The following THSD7A variants were observed in gnomAD, a reference collection of about 807,000 sequenced individuals.
THSD7A encodes the protein thrombospondin type 1 domain containing 7A, also known as thrombospondin type-1 domain-containing protein 7A.
THSD7A carries 96 observed loss-of-function variants against 231.3 expected under a neutral mutation model. That is an observed-to-expected ratio of 0.41 (90% CI 0.35 to 0.49). The LOEUF is 0.49. Among genes scored for constraint, THSD7A ranks in the 20% least tolerant of loss-of-function variants. The probability of loss-of-function intolerance (pLI) is 0.05; values close to 1 mark genes in which losing one functional copy is unlikely to be tolerated. For synonymous variants in THSD7A, 940 were observed against 743.3 expected (o/e 1.26, Z -4.30); for missense variants, 2,290 against 2,070.2 (o/e 1.11, Z -2.06).
At chr7:11,695,088 CATA>C (rs1487813021) in intron 1 of THSD7A, among the ~76,000 whole-genome samples, 11 of 151,466 alleles carry the variant, frequency 7.3e-5, no homozygotes, top group African/African-American at 2.4e-4. Flanking sequence ...GTAAATTTCT[CATA>C]ATCTCATAGG....
intron 1 of THSD7A, among the ~76,000 whole-genome samples, chr7:11,698,993 T>C (rs1314254025): frequency 2.0e-5 from 3 of 148,316 alleles, no homozygotes; most frequent in African/African-American, 7.4e-5. Context: ...TTTTTTTGCA[T>C]TCACAATGCC....
At chr7:11,496,089 T>C (rs1389385485) in intron 6 of THSD7A, among the ~76,000 whole-genome samples, 2 of 152,158 alleles carry the variant, frequency 1.3e-5, no homozygotes, top group East Asian at 1.9e-4. Context: ...TGAATTCTAA[T>C]CTGAAAGTCA....
chr7:11,746,144 A>G (rs1268664396), intron 1 of THSD7A, among the ~76,000 whole-genome samples: 1 of 151,770 alleles, frequency 6.6e-6, no homozygotes, highest in Non-Finnish European at 1.5e-5. Context: ...TGAAGACTAT[A>G]TTCTCTTGGA....
chr7:11,488,871 T>G (rs939432081), intron 6 of THSD7A, among the ~76,000 whole-genome samples: 2 of 152,140 alleles, frequency 1.3e-5, no homozygotes, highest in Non-Finnish European at 1.5e-5. Context: ...TTCACTCCTC[T>G]GCCATTTTGC....
intron 6 of THSD7A, among the ~76,000 whole-genome samples, chr7:11,513,978 C>T (rs1381918265): frequency 6.6e-6 from 1 of 151,830 alleles, no homozygotes; most frequent in Non-Finnish European, 1.5e-5. Context: ...CCCTCTTGGC[C>T]CCAGACATCC....
At chr7:11,403,138 A>C (rs1783465775) in intron 22 of THSD7A, among the ~76,000 whole-genome samples, 1 of 152,202 alleles carries the variant, frequency 6.6e-6, no homozygotes, top group South Asian at 2.1e-4. Flanking sequence ...GATAGACACA[A>C]ATTCACAAGG....
At chr7:11,760,071 A>G (rs1782805925) in intron 1 of THSD7A, among the ~76,000 whole-genome samples, 1 of 152,174 alleles carries the variant, frequency 6.6e-6, no homozygotes, top group South Asian at 2.1e-4. Flanking sequence ...AAAGCATCTC[A>G]AGGTACTTAT....
chr7:11,402,150 T>C (rs1269006540), intron 22 of THSD7A, among the ~76,000 whole-genome samples, 182 bp from the exon 23 acceptor site: 3 of 152,238 alleles, frequency 2.0e-5, no homozygotes, highest in African/African-American at 7.2e-5. Context: ...GTATATGTAT[T>C]GTTATTTTCC....
chr7:11,823,970 T>A (rs1784950763), intron 1 of THSD7A, among the ~76,000 whole-genome samples: 1 of 151,658 alleles, frequency 6.6e-6, no homozygotes, highest in African/African-American at 2.4e-5. Flanking sequence ...TTAAAAATAA[T>A]TCAAATGATC....
chr7:11,716,633 T>A (rs990163710), intron 1 of THSD7A, among the ~76,000 whole-genome samples: 2 of 150,968 alleles, frequency 1.3e-5, no homozygotes, highest in South Asian at 2.1e-4. Context: ...ACAGTAGGGG[T>A]TTTTTTAAAT....
intron 6 of THSD7A, among the ~76,000 whole-genome samples, chr7:11,487,030 T>A (rs1206501336): frequency 6.6e-6 from 1 of 152,226 alleles, no homozygotes; most frequent in Non-Finnish European, 1.5e-5. Flanking sequence ...TATATTTGTA[T>A]TCCTCCATTT....
chr7:11,422,775 C>G (rs896458945), intron 16 of THSD7A, among the ~76,000 whole-genome samples: 3 of 152,084 alleles, frequency 2.0e-5, no homozygotes, highest in Non-Finnish European at 2.9e-5. Flanking sequence ...GCCTCAGCCT[C>G]CTGAGTAGCT....
At chr7:11,495,876 A>C (rs1562656440) in intron 6 of THSD7A, among the ~76,000 whole-genome samples, 1 of 152,110 alleles carries the variant, frequency 6.6e-6, no homozygotes, top group Non-Finnish European at 1.5e-5. Context: ...AAATACACAG[A>C]ATCGAAATAA....
At chr7:11,418,074 A>G (rs1201747269) in intron 16 of THSD7A, among the ~76,000 whole-genome samples, 1 of 152,178 alleles carries the variant, frequency 6.6e-6, no homozygotes, top group Non-Finnish European at 1.5e-5. Context: ...ATGTGATGAG[A>G]GACCAGGCAC....
intron 1 of THSD7A, among the ~76,000 whole-genome samples, chr7:11,650,488 A>G (rs568997760): frequency 6.6e-6 from 1 of 152,080 alleles, no homozygotes; most frequent in Non-Finnish European, 1.5e-5. Context: ...AGAGCAAAAC[A>G]CTATCCACTT....
At position 11,382,404 on chromosome 7, in the gene THSD7A, C is replaced by G. The variant is rs1782552867; in HGVS notation, c.4507+117G>C. 4 of 827,286 alleles carry G rather than the reference C, an allele frequency of 4.8e-6. No homozygotes were observed. In the Admixed American group the frequency reaches 8.6e-5, roughly 18 times the overall value. The allele number at this position is 827,286 out of a possible 1,614,324, so 51.2% of individuals were successfully genotyped here. On this transcript the variant is annotated intron_variant, in intron 24 of 27. Coordinates refer to ENST00000423059, the MANE Select transcript of THSD7A (RefSeq NM_015204.3). ...TATATACAGCTTAGGCATCCTGAATCCCAAACAGGCTTTGAATACTGAAAG... is the reference window on the plus strand; with the variant it reads ...TATATACAGCTTAGGCATCCTGAATGCCAAACAGGCTTTGAATACTGAAAG...
intron 6 of THSD7A, among the ~76,000 whole-genome samples, chr7:11,491,078 G>A (rs79009707): frequency 0.038 from 5,776 of 151,904 alleles, 371 homozygotes; most frequent in African/African-American, 0.13. Flanking sequence ...CATTTTTTCC[G>A]AATTTTGCTT....
chr7:11,683,559 G>T (rs1296389961), intron 1 of THSD7A, among the ~76,000 whole-genome samples: 3 of 151,730 alleles, frequency 2.0e-5, no homozygotes, highest in African/African-American at 7.3e-5. Context: ...CAATCCCAAA[G>T]AAACAAAAAA....
intron 24 of THSD7A, 21 bp from the exon 25 acceptor site, chr7:11,379,733 T>C (rs1218750846): frequency 1.3e-6 from 2 of 1,562,580 alleles, no homozygotes; most frequent in Non-Finnish European, 1.7e-6. Context: ...GAAAATCATG[T>C]TTTGACAAAT....
Sources: allele counts gnomAD v4.1 joint callset (sites outside exome capture counted in the v4.1 genomes callset), GRCh38; gene constraint gnomAD v4.1.1; transcripts MANE v1.5; gene names NCBI Gene and HGNC (gene_info 2026-07-23, HGNC 2026-07-21).